The following KMT2A variants were observed in gnomAD, a reference collection of about 807,000 sequenced individuals.
KMT2A encodes lysine methyltransferase 2A, also known as histone-lysine N-methyltransferase 2A.
Under a neutral mutation model 345.3 loss-of-function variants are expected in KMT2A, and 16 were observed. The ratio of observed to expected loss-of-function variants is 0.05; its 90% CI spans 0.03 to 0.07. The LOEUF (loss-of-function observed/expected upper bound fraction) is 0.07, where lower values mean the gene tolerates loss of function less well. Ranked by LOEUF, KMT2A falls within the 10% of genes least tolerant of loss-of-function variation. KMT2A has a pLI of 1.00. For missense variants in KMT2A, 3,272 were observed against 4,841.6 expected (o/e 0.68, Z 9.62); for synonymous variants, 1,599 against 1,778.6 (o/e 0.90, Z 2.54).
chr11:118,436,687 G>T lies in KMT2A; in HGVS notation c.175G>T (p.Ala59Ser). The T allele has an allele frequency of 1.5e-6, 2 of 1,292,706 alleles. No individual in the cohort carries two copies. The allele number at this position is 1,292,706 out of a possible 1,614,324, so 80.1% of individuals were successfully genotyped here. Reference protein sequence around the residue: ...GGPGAPPSPPAVAAAAAAAGS... With the variant: ...GGPGAPPSPPSVAAAAAAAGS... ...CCCCGGGGCGCCCCCCTCCCCCCCGGCTGTGGCGGCCGCGGCGGCGGCGGC... is the reference window on the plus strand; with the variant it reads ...CCCCGGGGCGCCCCCCTCCCCCCCGTCTGTGGCGGCCGCGGCGGCGGCGGC... The change falls in exon 1 of 36, where the codon GCT becomes TCT. Residue 59 changes from alanine to serine, a missense_variant. Coordinates refer to ENST00000534358, the MANE Select transcript of KMT2A (RefSeq NM_001197104.2). This position sits in a 1 kb window ranked among gnomAD's most constrained non-coding sequence, Gnocchi z 6.9.
chr11:118,492,449 G>A (rs1273655845), intron 15 of KMT2A, among the ~76,000 whole-genome samples: 1 of 152,270 alleles, frequency 6.6e-6, no homozygotes, highest in African/African-American at 2.4e-5. Flanking sequence ...GGAGGCCGAG[G>A]CGGGCGGATC....
At chr11:118,486,949 G>C (rs1387846748) in intron 10 of KMT2A, among the ~76,000 whole-genome samples, 1 of 152,136 alleles carries the variant, frequency 6.6e-6, no homozygotes, top group Non-Finnish European at 1.5e-5. Flanking sequence ...TCTGAATGTT[G>C]AGCAGTCAGT....
chr11:118,443,486 A>G (rs1949355801), intron 1 of KMT2A, among the ~76,000 whole-genome samples: 1 of 152,252 alleles, frequency 6.6e-6, no homozygotes. Context: ...GACTTAAGAC[A>G]TTTGAAAGAA....
Position 118,525,818 on chromosome 11 carries a change from TCATTGCAAAGGG to T in KMT2A, c.*3648_*3659del. 4.4e-6 allele frequency: 1 copy of T among 225,034 alleles called. No homozygotes were observed. Among genetic ancestry groups the T allele is most frequent in the East Asian group, 6.5e-5 (1 of 15,462 alleles). 13.9% of individuals were successfully genotyped at this position (225,034 alleles called of 1,614,324 possible). On this transcript the variant is annotated 3_prime_UTR_variant, in exon 36 of 36. Transcript: ENST00000534358. ...GTTTTTGTTTTTAAGGAAAAGCGGG[TCATTGCAAAGGG>T]CTGGGTGTAATTTTATGTTTCATTT...
In KMT2A at chr11:118,520,225, G is replaced by T; in HGVS notation, c.11429+161G>T. The T allele has an allele frequency of 1.6e-6, 1 of 608,114 alleles. No individual in the cohort carries two copies. The highest frequency in any genetic ancestry group is 2.0e-5 in the South Asian group (1 of 50,076). 37.7% of individuals were successfully genotyped at this position (608,114 alleles called of 1,614,324 possible). On this transcript the variant is annotated intron_variant, in intron 33 of 35. Transcript: ENST00000534358. This position sits in a 1 kb window ranked among gnomAD's most constrained non-coding sequence, Gnocchi z 4.3. Reference sequence around the variant, plus strand: ...AGTAGCAGTAGGTGCCTGGTAAGGAGTGAGGAATATAAGGTACAGAGGAGA... The same window carrying T: ...AGTAGCAGTAGGTGCCTGGTAAGGATTGAGGAATATAAGGTACAGAGGAGA...
intron 1 of KMT2A, among the ~76,000 whole-genome samples, chr11:118,460,811 C>T (rs939279214): frequency 6.6e-5 from 10 of 152,096 alleles, no homozygotes; most frequent in African/African-American, 2.2e-4. Context: ...GGACTACAGG[C>T]GCACACCACC....
intron 15 of KMT2A, among the ~76,000 whole-genome samples, chr11:118,492,450 C>T (rs1212676255): frequency 2.0e-5 from 3 of 152,222 alleles, no homozygotes; most frequent in Non-Finnish European, 4.4e-5. Context: ...GAGGCCGAGG[C>T]GGGCGGATCA....
Position 118,525,343 on chromosome 11 carries a change from C to T in KMT2A, c.*3171C>T, listed in dbSNP as rs1212183356. The T allele has an allele frequency of 4.4e-6, 1 of 227,290 alleles. No homozygotes were observed. The highest frequency in any genetic ancestry group is 8.7e-6 in the Non-Finnish European group (1 of 114,312). The allele number at this position is 227,290 out of a possible 1,614,324, so 14.1% of individuals were successfully genotyped here. On this transcript the variant is annotated 3_prime_UTR_variant, in exon 36 of 36. Coordinates refer to ENST00000534358, the MANE Select transcript of KMT2A (RefSeq NM_001197104.2). ...GGCTGCATTTCCTGGTGGCCAGTGA[C>T]AACTGTGTAACCAGAATAGCTGCAT...
chr11:118,504,838 A>G lies in KMT2A; in HGVS notation c.8946A>G (p.Pro2982=), dbSNP rs1555047434. 3 of 1,614,064 alleles carry G rather than the reference A, an allele frequency of 1.9e-6. No individual in the cohort carries two copies. In the East Asian group the frequency reaches 6.7e-5, roughly 36 times the overall value. The change falls in exon 27 of 36, where the codon CCA becomes CCG. Residue 2982 remains proline, a synonymous_variant. Transcript: ENST00000534358. This position sits in a 1 kb window ranked among gnomAD's most constrained non-coding sequence, Gnocchi z 6.4. ...SSESDPALLS[P]GVDPTPEGHM... is the part of the protein sequence containing the mutation. ...AAAGTGACCCAGCACTGCTGAGCCCAGGAGTAGATCCAACTCCTGAAGGCC... is the reference window on the plus strand; with the variant it reads ...AAAGTGACCCAGCACTGCTGAGCCCGGGAGTAGATCCAACTCCTGAAGGCC...
Position 118,478,137 on chromosome 11 carries a change from G to C in KMT2A, c.3505G>C (p.Val1169Leu), listed in dbSNP as rs782680161. The part of the protein sequence containing the change: ...PGCQVPEDCG[V>L]CTNCLDKPKF... ...CTGCCAGGTGCCTGAGGACTGTGGT[G>C]TTTGTACTAATTGCTTAGATAAGCC... is the stretch of plus-strand genomic sequence containing the variant. Residue 1169 changes from valine to leucine, a missense_variant, in exon 5 of 36, where the codon GTT becomes CTT. This residue lies in a region of KMT2A where 26 missense variants were observed against 90.5 expected (regional missense o/e 0.29). Coordinates refer to ENST00000534358, the MANE Select transcript of KMT2A (RefSeq NM_001197104.2). The C allele has an allele frequency of 4.3e-6, 7 of 1,614,168 alleles. No homozygotes were observed. The South Asian group carries it at 6.6e-5, about 15-fold the overall frequency.
intron 31 of KMT2A, among the ~76,000 whole-genome samples, chr11:118,512,977 A>T (rs1342209423): frequency 2.6e-5 from 4 of 152,132 alleles, no homozygotes; most frequent in African/African-American, 9.7e-5. Flanking sequence ...TGTGGCTCAC[A>T]CCTGTAATCC....
chr11:118,519,396 G>A, intron 31 of KMT2A: 1 of 474,024 alleles, frequency 2.1e-6, no homozygotes, highest in Non-Finnish European at 3.8e-6. Context: ...TTGGTGGCAT[G>A]CTTTTTTCAC....
chr11:118,473,788 G>A lies in KMT2A; in HGVS notation c.2629G>A (p.Asp877Asn), dbSNP rs1555036658. The A allele has an allele frequency of 3.1e-6, 5 of 1,613,870 alleles. No individual in the cohort carries two copies. The South Asian group carries it at 4.4e-5, about 14-fold the overall frequency. The change falls in exon 3 of 36, where the codon GAC (aspartate) becomes AAC (asparagine). Residue 877 changes from aspartate (D) to asparagine (N), a missense_variant. Coordinates refer to ENST00000534358, the MANE Select transcript of KMT2A (RefSeq NM_001197104.2). This position sits in a 1 kb window ranked among gnomAD's most constrained non-coding sequence, Gnocchi z 5.2. ...GGAGAAGGACAAGAGTAGAGAGAGA[G>A]ACCGGGAGAGAGAAAAGGAGAATAA... ...SVEKDKSRER[D>N]REREKENKRE...
chr11:118,470,341 G>A (rs1365654060), intron 2 of KMT2A, among the ~76,000 whole-genome samples: 1 of 152,128 alleles, frequency 6.6e-6, no homozygotes, highest in Non-Finnish European at 1.5e-5. Flanking sequence ...GTCTCACTCT[G>A]TCACCCAGGC....
chr11:118,509,069 A>G (rs1485206125), intron 28 of KMT2A, 67 bp from the exon 29 acceptor site: 4 of 1,391,008 alleles, frequency 2.9e-6, no homozygotes, highest in Non-Finnish European at 3.0e-6. Flanking sequence ...TGTATAGAAA[A>G]TTCTGGGTTT....
chr11:118,468,978 TTTTATTTA>T (rs1237546320), intron 2 of KMT2A, 134 bp downstream of exon 2: 5 of 523,544 alleles, frequency 9.6e-6, no homozygotes, highest in Non-Finnish European at 1.7e-5. Flanking sequence ...CTAGACTTCT[TTTTATTTA>T]TTTATTTATT....
rs143183708 is a variant in KMT2A at position 118,476,409 on chromosome 11, C to T, written c.3157-396C>T. ...TGTTTGTTTTTAAGATAGGGTCTCACTCTGTCACCCAGGGTGGCTCAAGTG... is the reference window on the plus strand; with the variant it reads ...TGTTTGTTTTTAAGATAGGGTCTCATTCTGTCACCCAGGGTGGCTCAAGTG... On this transcript the variant is annotated intron_variant, in intron 3 of 35. Coordinates refer to ENST00000534358, the MANE Select transcript of KMT2A (RefSeq NM_001197104.2). This position sits in a 1 kb window ranked among gnomAD's most constrained non-coding sequence, Gnocchi z 4.1. 6.6e-6 allele frequency among the ~76,000 whole-genome samples: 1 copy of T among 152,228 alleles called. No individual in the cohort carries two copies. The highest frequency in any genetic ancestry group is 1.9e-4 in the East Asian group (1 of 5,160).
In KMT2A at chr11:118,513,950, A is replaced by G. The variant is rs550127841; in HGVS notation, c.11146+1925A>G. ...AAGACCCTGTCTCAAAAAAAAAAAA[A>G]AAAAAAAAGAAAAAGAAAAAAAAGT... On this transcript the variant is annotated intron_variant, in intron 31 of 35. Coordinates refer to ENST00000534358, the MANE Select transcript of KMT2A (RefSeq NM_001197104.2). Among the ~76,000 whole-genome samples the G allele has an allele frequency of 2.0e-5, 3 of 151,380 alleles. No individual in the cohort carries two copies. In the East Asian group the frequency reaches 5.8e-4, roughly 29 times the overall value.
chr11:118,453,646 G>T (rs1209855753), intron 1 of KMT2A, among the ~76,000 whole-genome samples: 1 of 152,136 alleles, frequency 6.6e-6, no homozygotes, highest in Non-Finnish European at 1.5e-5. Context: ...TTCCAGGCTT[G>T]TATAGCCTGC....
Sources: gnomAD v4.1 joint callset for allele counts (sites outside exome capture counted in the v4.1 genomes callset) on GRCh38, gnomAD v4.1.1 for gene constraint, gnomAD v4.1.1 regional missense constraint, Gnocchi (gnomAD v3.1) non-coding constraint, MANE v1.5 for transcripts, NCBI Gene and HGNC (gene_info 2026-07-23, HGNC 2026-07-21) for gene names.